The following LSAMP variants were observed in gnomAD, a reference collection of about 807,000 sequenced individuals.
LSAMP encodes limbic system-associated membrane protein.
In LSAMP, 7 loss-of-function variants were observed where a neutral mutation model predicts 38.6. The observed-to-expected ratio is 0.18, with a 90% CI of 0.10 to 0.34. The LOEUF (loss-of-function observed/expected upper bound fraction) is 0.34, where lower values mean the gene tolerates loss of function less well. Among genes scored for constraint, LSAMP ranks in the 10% least tolerant of loss-of-function variants. The pLI is 1.00. For synonymous variants in LSAMP, 154 were observed against 166.8 expected (o/e 0.92, Z 0.59); for missense variants, 313 against 420.0 (o/e 0.75, Z 2.23).
In LSAMP at chr3:116,395,328, G is replaced by A. The variant is rs147396681; in HGVS notation, c.155+49549C>T. 3.9e-3 allele frequency among the ~76,000 whole-genome samples: 594 copies of A among 152,244 alleles called. 5 individuals carry two copies. In the Middle Eastern group the frequency reaches 0.044, roughly 11 times the overall value. ...GAGTAGTTCCCACCCTGAGATGCACGGCACACAGCTCAGCTCTTCCCTGGA... is the reference window on the plus strand; with the variant it reads ...GAGTAGTTCCCACCCTGAGATGCACAGCACACAGCTCAGCTCTTCCCTGGA... On this transcript the variant is annotated intron_variant, in intron 1 of 6. Transcript: ENST00000490035.
chr3:116,041,809 AAC>A lies in LSAMP; in HGVS notation c.389-22171_389-22170del, dbSNP rs1195110362. Among the ~76,000 whole-genome samples the A allele has an allele frequency of 5.0e-3, 745 of 150,254 alleles. 12 individuals are homozygous for A. Among genetic ancestry groups the A allele is most frequent in the African/African-American group, 0.018 (721 of 40,650 alleles). On this transcript the variant is annotated intron_variant, in intron 2 of 6. Transcript: ENST00000490035. ...AATGAAAGCATGCAAAAAAAAACAA[AAC>A]AAAACAAAAAAAAAACACCTTGATT... is the stretch of plus-strand genomic sequence containing the variant.
intron 3 of LSAMP, among the ~76,000 whole-genome samples, chr3:115,861,130 TTTCCTTCCTTCCTTCC>T (rs369018115): frequency 0.091 from 5,889 of 64,384 alleles, 347 homozygotes; most frequent in Non-Finnish European, 0.11. Flanking sequence ...TCCTTCTTTC[TTTCCTTCCTTCCTTCC>T]TTCCTTCCTT....
intron 1 of LSAMP, among the ~76,000 whole-genome samples, chr3:116,197,545 GTCTT>G (rs1559778903): frequency 1.3e-5 from 2 of 152,152 alleles, no homozygotes. Flanking sequence ...ACTCTTCAAT[GTCTT>G]TCTTATTTCA....
rs183089517 is a variant in LSAMP at position 116,317,996 on chromosome 3, C to A, written c.155+126881G>T. Reference sequence around the variant, plus strand: ...ACTAAAAGTAGAAAAATTAGCCAGGCGTGGTGGTGGGTGCCTGTAATCCCA... The same window carrying A: ...ACTAAAAGTAGAAAAATTAGCCAGGAGTGGTGGTGGGTGCCTGTAATCCCA... On this transcript the variant is annotated intron_variant, in intron 1 of 6. Coordinates refer to ENST00000490035, the MANE Select transcript of LSAMP (RefSeq NM_002338.5). Among the ~76,000 whole-genome samples the A allele has an allele frequency of 8.7e-4, 132 of 151,388 alleles. 1 individual carries two copies. The highest frequency in any genetic ancestry group is 3.1e-3 in the African/African-American group (126 of 41,294).
intron 3 of LSAMP, among the ~76,000 whole-genome samples, chr3:115,908,874 C>T (rs147169379): frequency 2.0e-5 from 3 of 152,086 alleles, no homozygotes; most frequent in Admixed American, 6.6e-5. Context: ...ACCTTCTGTC[C>T]GGCACTTCTG....
rs147108337 is a variant in LSAMP at position 116,279,840 on chromosome 3, A to G, written c.155+165037T>C. Among the ~76,000 whole-genome samples, 508 of 152,314 alleles carry G rather than the reference A, an allele frequency of 3.3e-3. 4 individuals carry two copies. Among genetic ancestry groups the G allele is most frequent in the Non-Finnish European group, 5.0e-3 (340 of 68,024 alleles). On this transcript the variant is annotated intron_variant, in intron 1 of 6. Transcript: ENST00000490035. Reference sequence around the variant, plus strand: ...TTGAACTCTGCTATAAATGATTTTCATATGTCATATGATAGATTAGCTGCA... The same window carrying G: ...TTGAACTCTGCTATAAATGATTTTCGTATGTCATATGATAGATTAGCTGCA...
intron 1 of LSAMP, among the ~76,000 whole-genome samples, chr3:116,094,169 C>T (rs1708177325): frequency 6.6e-6 from 1 of 152,154 alleles, no homozygotes; most frequent in Admixed American, 6.5e-5. Context: ...CATTTTGAAG[C>T]ATCTTTGCTT....
At chr3:116,324,379 C>A (rs1008005172) in intron 1 of LSAMP, among the ~76,000 whole-genome samples, 5 of 152,096 alleles carry the variant, frequency 3.3e-5, no homozygotes, top group African/African-American at 1.2e-4. Context: ...CTTACATCAT[C>A]AAGCATAATA....
rs988968560 is a variant in LSAMP at position 116,074,553 on chromosome 3, G to A, written c.388+11771C>T. Reference sequence around the variant, plus strand: ...TGATACAAATATATTTTAAAACTTTGATAGATATCCCTACATTACCCCAGG... The same window carrying A: ...TGATACAAATATATTTTAAAACTTTAATAGATATCCCTACATTACCCCAGG... On this transcript the variant is annotated intron_variant, in intron 2 of 6. Coordinates refer to ENST00000490035, the MANE Select transcript of LSAMP (RefSeq NM_002338.5). 3.3e-5 allele frequency among the ~76,000 whole-genome samples: 5 copies of A among 152,128 alleles called. No individual in the cohort carries two copies. The East Asian group carries it at 9.7e-4, about 29-fold the overall frequency.
intron 1 of LSAMP, among the ~76,000 whole-genome samples, chr3:116,345,766 T>C (rs180856236): frequency 6.6e-6 from 1 of 152,236 alleles, no homozygotes; most frequent in Non-Finnish European, 1.5e-5. Flanking sequence ...TTCCCTAAAA[T>C]TAGATATAGC....
chr3:115,928,880 G>A (rs916976396), intron 3 of LSAMP, among the ~76,000 whole-genome samples: 51 of 151,814 alleles, frequency 3.4e-4, no homozygotes, highest in Admixed American at 2.8e-3. Context: ...TGCTAAGGGC[G>A]TAGGGAAGAA....
At chr3:116,377,400 G>A (rs1376957508) in intron 1 of LSAMP, among the ~76,000 whole-genome samples, 1 of 152,062 alleles carries the variant, frequency 6.6e-6, no homozygotes, top group African/African-American at 2.4e-5. Context: ...ACCCTGCAAA[G>A]GACATAATCT....
At chr3:116,002,467 G>A (rs186173046) in intron 3 of LSAMP, among the ~76,000 whole-genome samples, 8 of 152,264 alleles carry the variant, frequency 5.3e-5, no homozygotes, top group South Asian at 4.1e-4. Context: ...TTTTGAATGC[G>A]CAGTTTTGGT....
At chr3:116,208,991 C>G (rs2107603528) in intron 1 of LSAMP, among the ~76,000 whole-genome samples, 1 of 152,364 alleles carries the variant, frequency 6.6e-6, no homozygotes, top group East Asian at 1.9e-4. Flanking sequence ...AGGCGCCCCT[C>G]CCGGAGCCTC....
At chr3:116,416,245 A>G (rs1378396788) in intron 1 of LSAMP, among the ~76,000 whole-genome samples, 3 of 152,130 alleles carry the variant, frequency 2.0e-5, no homozygotes, top group Non-Finnish European at 4.4e-5. Flanking sequence ...TCTCCAAGAC[A>G]TGTGTTGCCT....
chr3:116,045,308 C>T (rs978241958), intron 2 of LSAMP, among the ~76,000 whole-genome samples: 1 of 151,950 alleles, frequency 6.6e-6, no homozygotes, highest in African/African-American at 2.4e-5. Flanking sequence ...GAGCATTGGT[C>T]CTATTTTGGG....
At chr3:116,222,206 G>C (rs2046293461) in intron 1 of LSAMP, among the ~76,000 whole-genome samples, 1 of 151,732 alleles carries the variant, frequency 6.6e-6, no homozygotes, top group East Asian at 1.9e-4. Context: ...TGTAAAAGGA[G>C]GGGGATTCCT....
At chr3:116,385,809 T>C (rs2048618802) in intron 1 of LSAMP, among the ~76,000 whole-genome samples, 1 of 152,164 alleles carries the variant, frequency 6.6e-6, no homozygotes, top group African/African-American at 2.4e-5. Context: ...GGTAGTGTTT[T>C]ATATAAGCCA....
At chr3:115,892,188 T>A (rs1311192609) in intron 3 of LSAMP, among the ~76,000 whole-genome samples, 2 of 151,952 alleles carry the variant, frequency 1.3e-5, no homozygotes, top group Non-Finnish European at 2.9e-5. Flanking sequence ...AATTATTTGG[T>A]AGACTCTACT....
Sources: gnomAD v4.1 joint callset for allele counts (sites outside exome capture counted in the v4.1 genomes callset) on GRCh38, gnomAD v4.1.1 for gene constraint, MANE v1.5 for transcripts, NCBI Gene and HGNC (gene_info 2026-07-23, HGNC 2026-07-21) for gene names.